Variants in QTMAN observed in about 807,000 individuals in gnomAD.
The protein encoded by QTMAN is tRNA-queuosine alpha-mannosyltransferase.
the QTMAN span, among the ~76,000 whole-genome samples, chr2:144,123,387 C>T: frequency 6.6e-6 from 1 of 152,104 alleles, no homozygotes; most frequent in Non-Finnish European, 1.5e-5. Context: ...TTTTTGGAGT[C>T]TTATAACCTG....
the QTMAN span, among the ~76,000 whole-genome samples, chr2:144,227,773 C>A: frequency 1.3e-5 from 2 of 152,202 alleles, no homozygotes; most frequent in Admixed American, 1.3e-4. Flanking sequence ...GGAAGTACAG[C>A]AGATAACTTT....
the QTMAN span, chr2:144,006,335 C>CCCGG: frequency 6.6e-6 from 1 of 152,058 alleles, no homozygotes; most frequent in Non-Finnish European, 1.5e-5. Context: ...AGGCGCTTTG[C>CCCGG]CCGGCCGGTG....
chr2:144,044,895 T>C, the QTMAN span, among the ~76,000 whole-genome samples: 2 of 152,330 alleles, frequency 1.3e-5, no homozygotes. Flanking sequence ...GACATAATTA[T>C]CATCAAGACA....
At chr2:144,022,562 T>TC in the QTMAN span, among the ~76,000 whole-genome samples, 5 of 127,016 alleles carry the variant, frequency 3.9e-5, no homozygotes, top group South Asian at 5.5e-4. Context: ...CTCTCTCTCT[T>TC]TTTTTTTTTT....
chr2:144,114,514 T>A, the QTMAN span, among the ~76,000 whole-genome samples: 4 of 152,294 alleles, frequency 2.6e-5, no homozygotes, highest in South Asian at 8.3e-4. Context: ...AATGAAAAAA[T>A]TCTTTTCTTC....
At chr2:144,035,687 AAAT>A in the QTMAN span, among the ~76,000 whole-genome samples, 1 of 152,228 alleles carries the variant, frequency 6.6e-6, no homozygotes, top group African/African-American at 2.4e-5. Flanking sequence ...TCAAACAGTC[AAAT>A]AATAATGGTG....
chr2:143,980,351 A>T, the QTMAN span, among the ~76,000 whole-genome samples: 2 of 152,192 alleles, frequency 1.3e-5, no homozygotes, highest in African/African-American at 4.8e-5. Context: ...ATGTCTGTGC[A>T]AAGGACATGA....
the QTMAN span, among the ~76,000 whole-genome samples, chr2:144,157,568 G>C: frequency 1.4e-3 from 207 of 151,984 alleles, 2 homozygotes; most frequent in African/African-American, 4.8e-3. Context: ...CCAGAAAAAA[G>C]GCTTTAGAAA....
chr2:144,250,388 C>G, the QTMAN span, among the ~76,000 whole-genome samples: 1 of 151,972 alleles, frequency 6.6e-6, no homozygotes, highest in Non-Finnish European at 1.5e-5. Context: ...ATGTGCCTGC[C>G]CACCTCAGCC....
At chr2:144,073,350 T>C in the QTMAN span, among the ~76,000 whole-genome samples, 2 of 151,940 alleles carry the variant, frequency 1.3e-5, no homozygotes, top group African/African-American at 4.8e-5. Flanking sequence ...GCAATCTGTT[T>C]TACTCTCCTG....
the QTMAN span, among the ~76,000 whole-genome samples, chr2:144,222,009 G>T: frequency 6.6e-6 from 1 of 151,996 alleles, no homozygotes; most frequent in Non-Finnish European, 1.5e-5. Flanking sequence ...TAATTATTTT[G>T]GTACTTACAG....
At chr2:144,176,931 G>A in the QTMAN span, among the ~76,000 whole-genome samples, 3 of 152,164 alleles carry the variant, frequency 2.0e-5, no homozygotes, top group East Asian at 1.9e-4. Context: ...GCATGGCTGG[G>A]GAGGCCTCAG....
the QTMAN span, among the ~76,000 whole-genome samples, chr2:144,171,745 T>C: frequency 1.1e-4 from 17 of 152,194 alleles, no homozygotes; most frequent in East Asian, 1.9e-3. Flanking sequence ...ATGATAAAGG[T>C]AGCACCAAAC....
chr2:144,186,629 T>G, the QTMAN span, among the ~76,000 whole-genome samples: 2 of 152,250 alleles, frequency 1.3e-5, no homozygotes, highest in African/African-American at 4.8e-5. Flanking sequence ...CAGAATCTGC[T>G]TGATGATTGA....
chr2:144,031,222 G>A, the QTMAN span, among the ~76,000 whole-genome samples: 1 of 151,688 alleles, frequency 6.6e-6, no homozygotes, highest in African/African-American at 2.4e-5. Flanking sequence ...GTGGTTCTAA[G>A]TTGCCACCAG....
At chr2:143,987,914 C>T in the QTMAN span, among the ~76,000 whole-genome samples, 1 of 152,120 alleles carries the variant, frequency 6.6e-6, no homozygotes, top group Non-Finnish European at 1.5e-5. Flanking sequence ...AATCTGTGGG[C>T]TGGGAAAGGT....
the QTMAN span, among the ~76,000 whole-genome samples, chr2:144,149,867 T>G: frequency 1.3e-5 from 2 of 152,076 alleles, no homozygotes; most frequent in African/African-American, 4.8e-5. Flanking sequence ...TTACTTAATA[T>G]GTAAAAAGAA....
chr2:144,039,383 A>C, the QTMAN span, among the ~76,000 whole-genome samples: 1 of 152,046 alleles, frequency 6.6e-6, no homozygotes, highest in Non-Finnish European at 1.5e-5. Flanking sequence ...TAACTCACAG[A>C]TATGACCAAG....
the QTMAN span, among the ~76,000 whole-genome samples, chr2:144,011,209 T>C: frequency 5.5e-4 from 84 of 152,248 alleles, no homozygotes; most frequent in Admixed American, 1.6e-3. Flanking sequence ...TTAGTTTTCA[T>C]ACACTCTGTG....
Sources: gnomAD v4.1 joint callset for allele counts (sites outside exome capture counted in the v4.1 genomes callset) on GRCh38, gnomAD v4.1.1 for gene constraint, MANE v1.5 for transcripts, NCBI Gene and HGNC (gene_info 2026-07-23, HGNC 2026-07-21) for gene names.